Variants in TANC2 observed in about 807,000 individuals in gnomAD.
TANC2 encodes the protein tetratricopeptide repeat, ankyrin repeat and coiled-coil containing 2.
A neutral mutation model predicts 210.5 loss-of-function variants in TANC2; 26 were observed. That is an observed-to-expected ratio of 0.12 (90% CI 0.09 to 0.17). The LOEUF (loss-of-function observed/expected upper bound fraction) is 0.17. Ranked by LOEUF, TANC2 falls within the 10% of genes least tolerant of loss-of-function variation. The probability of loss-of-function intolerance (pLI) is 1.00; values close to 1 mark genes in which losing one functional copy is unlikely to be tolerated. For synonymous variants in TANC2, 931 were observed against 967.1 expected (o/e 0.96, Z 0.69); for missense variants, 2,129 against 2,608.9 (o/e 0.82, Z 4.01).
In TANC2 at chr17:63,421,218, G is replaced by A; in HGVS notation, c.5488G>A (p.Asp1830Asn). The A allele has an allele frequency of 6.2e-7, 1 of 1,614,000 alleles. No homozygotes were observed. Among genetic ancestry groups the A allele is most frequent in the Non-Finnish European group, 8.5e-7 (1 of 1,179,886 alleles). The change falls in exon 28 of 28, where the codon GAT (aspartate) becomes AAT (asparagine). Residue 1830 changes from aspartate (D) to asparagine (N), a missense_variant. By Grantham distance (23) the Asp-to-Asn change is conservative. Around this residue, in one of 5 missense-constraint regions of TANC2, gnomAD observed 584 missense variants for 627.3 expected, o/e 0.93. Coordinates refer to ENST00000689528, the Ensembl canonical transcript of TANC2. This position sits in a 1 kb window ranked among gnomAD's most constrained non-coding sequence, Gnocchi z 6.9. Reference sequence around the variant, plus strand: ...CTCCTCCAGCCAACTAGGTTCCCCTGATGTGTCGCATTTAATCAGAAGACC... The same window carrying A: ...CTCCTCCAGCCAACTAGGTTCCCCTAATGTGTCGCATTTAATCAGAAGACC...
At chr17:63,296,973 AGAAAGT>A (rs1182176358) in intron 9 of TANC2, among the ~76,000 whole-genome samples, 1 of 152,194 alleles carries the variant, frequency 6.6e-6, no homozygotes, top group Non-Finnish European at 1.5e-5. Flanking sequence ...TCAGGAGAAG[AGAAAGT>A]GAAAGGGTCA....
At position 63,420,963 on chromosome 17, in the gene TANC2, C is replaced by A; in HGVS notation, c.5233C>A (p.Gln1745Lys). The change falls in exon 28 of 28, where the codon CAA becomes AAA. Residue 1745 changes from glutamine to lysine, a missense_variant. Gln to Lys is a moderately conservative substitution (Grantham distance 53, BLOSUM62 1). Coordinates refer to ENST00000689528, the Ensembl canonical transcript of TANC2. The surrounding 1 kb of genome is among the most constrained non-coding windows in gnomAD (Gnocchi z 4.2). ...AGTCAGCCAGAGCCGGTTGGTTTATCAAGGGTCAATTGGGGGAATCGTAGG... is the reference window on the plus strand; with the variant it reads ...AGTCAGCCAGAGCCGGTTGGTTTATAAAGGGTCAATTGGGGGAATCGTAGG... The A allele has an allele frequency of 9.3e-6, 15 of 1,614,000 alleles. No individual in the cohort carries two copies. Among genetic ancestry groups the A allele is most frequent in the Non-Finnish European group, 1.3e-5 (15 of 1,179,900 alleles).
At chr17:63,362,674 C>T (rs1407719007) in intron 14 of TANC2, among the ~76,000 whole-genome samples, 2 of 152,244 alleles carry the variant, frequency 1.3e-5, no homozygotes, top group East Asian at 3.8e-4. Context: ...CAGACATACA[C>T]CTGGCCGGGT....
At chr17:63,073,257 G>A (rs2036462021) in intron 2 of TANC2, among the ~76,000 whole-genome samples, 1 of 151,802 alleles carries the variant, frequency 6.6e-6, no homozygotes. Context: ...AATTTATGAT[G>A]CATAATTTTT....
At chr17:63,326,922 A>G (rs1408120514) in intron 11 of TANC2, among the ~76,000 whole-genome samples, 1 of 152,218 alleles carries the variant, frequency 6.6e-6, no homozygotes, top group Non-Finnish European at 1.5e-5. Flanking sequence ...CAAAGGAAAC[A>G]GTTAACAAAG....
intron 17 of TANC2, chr17:63,391,725 CT>C (rs34888723): frequency 0.01 from 1,394 of 135,056 alleles, 18 homozygotes; most frequent in African/African-American, 0.025. Context: ...AATAATAAAC[CT>C]TTTTTTTTTT....
At chr17:63,186,598 C>G (rs574364211) in intron 5 of TANC2, among the ~76,000 whole-genome samples, 3 of 152,008 alleles carry the variant, frequency 2.0e-5, no homozygotes, top group African/African-American at 7.2e-5. Flanking sequence ...GGTGATCCAC[C>G]CCCCGCTTCA....
At chr17:63,014,051 A>G (rs1312903521) in intron 2 of TANC2, among the ~76,000 whole-genome samples, 2 of 151,890 alleles carry the variant, frequency 1.3e-5, no homozygotes, top group Non-Finnish European at 2.9e-5. Context: ...CATACTTTTC[A>G]TACTTTTCTT....
chr17:63,264,211 T>C (rs1410128304), intron 8 of TANC2, among the ~76,000 whole-genome samples: 2 of 152,198 alleles, frequency 1.3e-5, no homozygotes, highest in African/African-American at 4.8e-5. Flanking sequence ...AATATACCAT[T>C]AGTTAAAGCA....
intron 1 of TANC2, chr17:62,968,455 T>A (rs1380080321): frequency 6.6e-6 from 1 of 152,148 alleles, no homozygotes; most frequent in Non-Finnish European, 1.5e-5. Context: ...TTTTCCTTGG[T>A]GATTGATTTT....
intron 9 of TANC2, among the ~76,000 whole-genome samples, chr17:63,310,508 A>C (rs1295929912): frequency 1.3e-5 from 2 of 152,168 alleles, no homozygotes; most frequent in African/African-American, 4.8e-5. Context: ...CAAAGAACTG[A>C]GAAAATTATT....
intron 9 of TANC2, among the ~76,000 whole-genome samples, chr17:63,283,487 C>G (rs1237811245): frequency 6.6e-6 from 1 of 150,934 alleles, no homozygotes; most frequent in Non-Finnish European, 1.5e-5. Context: ...AAAAAAACTG[C>G]TAGAGTTTTT....
intron 14 of TANC2, among the ~76,000 whole-genome samples, chr17:63,368,178 C>T (rs553800062): frequency 6.6e-6 from 1 of 152,202 alleles, no homozygotes; most frequent in South Asian, 2.1e-4. Context: ...CGAGATTTAT[C>T]TTGAATGATG....
In TANC2 at chr17:63,237,797, T is replaced by C; in HGVS notation, c.770-17T>C. On this transcript the variant is annotated splice_polypyrimidine_tract_variant and intron_variant, in intron 7 of 27. Transcript: ENST00000689528. Reference sequence around the variant, plus strand: ...GTATGTGGCTTTATTAAATTCATTTTACTCTTTTTTTTTCAGCTACATTAA... The same window carrying C: ...GTATGTGGCTTTATTAAATTCATTTCACTCTTTTTTTTTCAGCTACATTAA... 2 of 1,530,158 alleles carry C rather than the reference T, an allele frequency of 1.3e-6. No individual in the cohort carries two copies. The highest frequency in any genetic ancestry group is 3.4e-4 in the Middle Eastern group (2 of 5,846). 94.8% of individuals were successfully genotyped at this position (1,530,158 alleles called of 1,614,324 possible).
At chr17:63,033,768 G>T (rs1383790733) in intron 2 of TANC2, among the ~76,000 whole-genome samples, 1 of 152,134 alleles carries the variant, frequency 6.6e-6, no homozygotes, top group Non-Finnish European at 1.5e-5. Context: ...GTGATGATGG[G>T]TTATCCAGGG....
chr17:63,071,158 G>A (rs746771271), intron 2 of TANC2, among the ~76,000 whole-genome samples: 1 of 152,046 alleles, frequency 6.6e-6, no homozygotes, highest in Non-Finnish European at 1.5e-5. Context: ...TGAATTCCTT[G>A]TAAAGCATGT....
At chr17:63,045,974 T>A (rs2035361887) in intron 2 of TANC2, among the ~76,000 whole-genome samples, 1 of 152,108 alleles carries the variant, frequency 6.6e-6, no homozygotes, top group Non-Finnish European at 1.5e-5. Context: ...TATTTCTATA[T>A]TCTATTTGGT....
intron 9 of TANC2, among the ~76,000 whole-genome samples, chr17:63,308,237 C>T (rs1345810058): frequency 6.6e-6 from 1 of 152,170 alleles, no homozygotes; most frequent in African/African-American, 2.4e-5. Flanking sequence ...TCCATAATCC[C>T]TTAGACTTGA....
chr17:63,328,934 A>G (rs936325169), intron 11 of TANC2, among the ~76,000 whole-genome samples: 6 of 152,164 alleles, frequency 3.9e-5, no homozygotes, highest in Non-Finnish European at 5.9e-5. Flanking sequence ...AAACATAATA[A>G]TTTAAAAATC....
Sources: allele counts gnomAD v4.1 joint callset (sites outside exome capture counted in the v4.1 genomes callset), GRCh38; gene constraint gnomAD v4.1.1; regional missense constraint gnomAD v4.1.1; non-coding constraint Gnocchi (gnomAD v3.1); transcripts MANE v1.5; gene names NCBI Gene and HGNC (gene_info 2026-07-23, HGNC 2026-07-21).